ZNF827: variants seen among roughly 807,000 people sequenced by gnomAD.
ZNF827 encodes zinc finger protein 827.
ZNF827 carries 13 observed loss-of-function variants against 102.4 expected under a neutral mutation model. That is an observed-to-expected ratio of 0.13 (90% CI 0.08 to 0.20). The LOEUF is 0.20. Among genes scored for constraint, ZNF827 ranks in the 10% least tolerant of loss-of-function variants. The pLI is 1.00. For missense variants in ZNF827, 1,103 were observed against 1,344.4 expected, an observed-to-expected ratio of 0.82 and a Z score of 2.81; for synonymous variants, 523 against 536.2, an observed-to-expected ratio of 0.98 and a Z score of 0.34.
chr4:145,812,779 C>T (rs139454278), intron 8 of ZNF827, among the ~76,000 whole-genome samples: 276 of 152,174 alleles, frequency 1.8e-3, no homozygotes, highest in African/African-American at 6.4e-3. Context: ...CCATCCTCCT[C>T]GGCCTCCCAA....
At chr4:145,851,890 G>C (rs941082020) in intron 5 of ZNF827, among the ~76,000 whole-genome samples, 1 of 152,150 alleles carries the variant, frequency 6.6e-6, no homozygotes, top group African/African-American at 2.4e-5. Context: ...GATTCTTCCT[G>C]GAGAACTGAT....
chr4:145,763,165 C>T lies in ZNF827; in HGVS notation c.3231-43G>A, dbSNP rs1322370869. On this transcript the variant is annotated intron_variant, in intron 13 of 14. Transcript: ENST00000508784. The surrounding 1 kb of genome is among the most constrained non-coding windows in gnomAD (Gnocchi z 4.6). ...TAATAGTATAATCTTATTTGATCTG[C>T]ATTATGAACAGGATATAGAGTACAA... is the stretch of plus-strand genomic sequence containing the variant. 4 of 1,529,120 alleles carry T rather than the reference C, an allele frequency of 2.6e-6. No individual in the cohort carries two copies. In the African/African-American group the frequency reaches 5.5e-5, roughly 21 times the overall value. 94.7% of individuals were successfully genotyped at this position (1,529,120 alleles called of 1,614,324 possible). A position where few individuals can be genotyped will look rare whatever the true frequency, so the allele number is the denominator to read the frequency against.
intron 1 of ZNF827, among the ~76,000 whole-genome samples, chr4:145,934,021 G>C (rs1464333483): frequency 6.6e-6 from 1 of 152,110 alleles, no homozygotes; most frequent in African/African-American, 2.4e-5. Flanking sequence ...AGCTCAAAGG[G>C]CCTCTTGGAC....
chr4:145,812,884 G>A (rs1219627909), intron 8 of ZNF827, among the ~76,000 whole-genome samples: 1 of 152,138 alleles, frequency 6.6e-6, no homozygotes, highest in Non-Finnish European at 1.5e-5. Flanking sequence ...CCCCTCCTCT[G>A]TGGTTTTGCT....
chr4:145,827,226 T>C lies in ZNF827; in HGVS notation c.2280-3701A>G, dbSNP rs934960695. On this transcript the variant is annotated intron_variant, in intron 7 of 14. Transcript: ENST00000508784. Reference sequence around the variant, plus strand: ...TCCCGCTCAGCTACACTGCCTTTCGTTGGTCCGTTAACACCTAAGGAATTT... The same window carrying C: ...TCCCGCTCAGCTACACTGCCTTTCGCTGGTCCGTTAACACCTAAGGAATTT... Among the ~76,000 whole-genome samples, 3 of 152,310 alleles carry C rather than the reference T, an allele frequency of 2.0e-5. No individual in the cohort carries two copies. The East Asian group carries it at 5.8e-4, about 29-fold the overall frequency.
chr4:145,849,124 G>A (rs1746270890), intron 6 of ZNF827, among the ~76,000 whole-genome samples, 198 bp downstream of exon 6: 1 of 152,044 alleles, frequency 6.6e-6, no homozygotes, highest in Non-Finnish European at 1.5e-5. Context: ...ATTTATTAAG[G>A]AAAGTTTGGC....
At chr4:145,768,133 C>T (rs769047190) in intron 11 of ZNF827, among the ~76,000 whole-genome samples, 4 of 152,132 alleles carry the variant, frequency 2.6e-5, no homozygotes, top group Non-Finnish European at 5.9e-5. Flanking sequence ...GTGGTTTAAT[C>T]AATCATTTGA....
intron 1 of ZNF827, among the ~76,000 whole-genome samples, chr4:145,903,562 C>A (rs779329241): frequency 2.0e-5 from 3 of 152,084 alleles, no homozygotes; most frequent in Non-Finnish European, 2.9e-5. Flanking sequence ...TGTGAAAAAC[C>A]AGCACAGTAT....
chr4:145,936,207 G>C (rs1416268642), intron 1 of ZNF827, among the ~76,000 whole-genome samples: 3 of 150,766 alleles, frequency 2.0e-5, no homozygotes, highest in Non-Finnish European at 4.4e-5. Context: ...GCCCGGCAGC[G>C]GGGCAGTCCG....
At chr4:145,884,433 T>C (rs1020529242) in intron 4 of ZNF827, among the ~76,000 whole-genome samples, 2 of 152,184 alleles carry the variant, frequency 1.3e-5, no homozygotes, top group African/African-American at 4.8e-5. Context: ...TGACCAATTA[T>C]TCTCCATTTA....
At chr4:145,808,702 T>C (rs1741733032) in intron 8 of ZNF827, among the ~76,000 whole-genome samples, 1 of 152,228 alleles carries the variant, frequency 6.6e-6, no homozygotes, top group Admixed American at 6.5e-5. Flanking sequence ...TTTACAAGAT[T>C]TTTTCCCAAC....
At chr4:145,844,342 T>G (rs1373876215) in intron 7 of ZNF827, among the ~76,000 whole-genome samples, 1 of 151,790 alleles carries the variant, frequency 6.6e-6, no homozygotes, top group South Asian at 2.1e-4. Context: ...TACATACCAC[T>G]CTTCTGTTCT....
rs1291391464 is a variant in ZNF827 at position 145,765,883 on chromosome 4, G to T, written c.2861-145C>A. On this transcript the variant is annotated intron_variant, in intron 11 of 14. Coordinates refer to ENST00000508784, the MANE Select transcript of ZNF827 (RefSeq NM_001306215.2). This position sits in a 1 kb window ranked among gnomAD's most constrained non-coding sequence, Gnocchi z 4.7. The stretch of plus-strand genomic sequence containing the variant: ...GTCCCCAGCTCCCCCACTGCTGGGG[G>T]ATCCCAGGTCCTAAGGCACCTACCT... 5 of 759,738 alleles carry T rather than the reference G, an allele frequency of 6.6e-6. No homozygotes were observed. Among genetic ancestry groups the T allele is most frequent in the African/African-American group, 3.6e-5 (2 of 56,166 alleles). 47.1% of individuals were successfully genotyped at this position (759,738 alleles called of 1,614,324 possible). A position where few individuals can be genotyped will look rare whatever the true frequency, so the allele number is the denominator to read the frequency against.
At chr4:145,828,686 G>A (rs765064639) in intron 7 of ZNF827, among the ~76,000 whole-genome samples, 4 of 152,126 alleles carry the variant, frequency 2.6e-5, no homozygotes, top group African/African-American at 4.8e-5. Context: ...GCTGTGGAAA[G>A]TATATTTTGA....
At chr4:145,936,296 C>G (rs1754165902) in intron 1 of ZNF827, among the ~76,000 whole-genome samples, 3 of 152,124 alleles carry the variant, frequency 2.0e-5, no homozygotes, top group Admixed American at 6.6e-5. Flanking sequence ...AACTCGCCCT[C>G]CCCGACTCCA....
At chr4:145,909,262 G>A (rs1026819653) in intron 1 of ZNF827, among the ~76,000 whole-genome samples, 4 of 152,108 alleles carry the variant, frequency 2.6e-5, no homozygotes, top group Non-Finnish European at 5.9e-5. Flanking sequence ...TCATAGTAGG[G>A]GTATCTGGGC....
In ZNF827 at chr4:145,762,088, G is replaced by T. The variant is rs1455848538; in HGVS notation, c.*18-490C>A. ...AGAGGTTTTAAAGAACAGCTTATAG[G>T]GGGAGCGCTACCTCCAGCAAACAGA... On this transcript the variant is annotated intron_variant, in intron 14 of 14. Coordinates refer to ENST00000508784, the MANE Select transcript of ZNF827 (RefSeq NM_001306215.2). The surrounding 1 kb of genome is among the most constrained non-coding windows in gnomAD (Gnocchi z 4.9). Among the ~76,000 whole-genome samples, 2 of 152,134 alleles carry T rather than the reference G, an allele frequency of 1.3e-5. No homozygotes were observed. The highest frequency in any genetic ancestry group is 4.8e-5 in the African/African-American group (2 of 41,422).
intron 1 of ZNF827, among the ~76,000 whole-genome samples, chr4:145,912,919 G>T (rs1266547404): frequency 1.3e-5 from 2 of 152,138 alleles, no homozygotes; most frequent in Admixed American, 6.5e-5. Flanking sequence ...TTGGATGAAG[G>T]CCTGAGGCAT....
chr4:145,889,427 A>G (rs1353642655), intron 3 of ZNF827, among the ~76,000 whole-genome samples: 1 of 152,198 alleles, frequency 6.6e-6, no homozygotes, highest in Non-Finnish European at 1.5e-5. Flanking sequence ...ATTAGTGGAA[A>G]CAGAGGTTTG....
Sources: allele counts gnomAD v4.1 joint callset (sites outside exome capture counted in the v4.1 genomes callset), GRCh38; gene constraint gnomAD v4.1.1; non-coding constraint Gnocchi (gnomAD v3.1); transcripts MANE v1.5; gene names NCBI Gene and HGNC (gene_info 2026-07-23, HGNC 2026-07-21).